The following TPR variants were observed in gnomAD, a reference collection of about 807,000 sequenced individuals.
TPR encodes the protein nucleoprotein TPR.
Under a neutral mutation model 316.1 loss-of-function variants are expected in TPR, and 51 were observed. The ratio of observed to expected loss-of-function variants is 0.16; its 90% CI spans 0.13 to 0.20. The LOEUF is 0.20. Ranked by LOEUF, TPR falls within the 10% of genes least tolerant of loss-of-function variation. The pLI is 1.00. For synonymous variants in TPR, 981 were observed against 914.7 expected (o/e 1.07, Z -1.31); for missense variants, 2,272 against 2,754.8 (o/e 0.82, Z 3.92).
At chr1:186,372,017 T>C (rs1659544030) in intron 2 of TPR, among the ~76,000 whole-genome samples, 2 of 152,208 alleles carry the variant, frequency 1.3e-5, no homozygotes, top group Non-Finnish European at 2.9e-5. Flanking sequence ...TTATTATGGC[T>C]AGGCAAAACT....
At chr1:186,348,195 T>A (rs1658739478) in intron 21 of TPR, among the ~76,000 whole-genome samples, 2 of 152,146 alleles carry the variant, frequency 1.3e-5, no homozygotes, top group African/African-American at 4.8e-5. Flanking sequence ...GCTAAATTCT[T>A]TTCCTAGCAA....
chr1:186,327,023 TTATATA>T (rs1206456737), intron 40 of TPR, among the ~76,000 whole-genome samples: 1 of 67,974 alleles, frequency 1.5e-5, no homozygotes, highest in African/African-American at 6.4e-5. Flanking sequence ...AATATATATA[TTATATA>T]TATAAATATA....
intron 21 of TPR, among the ~76,000 whole-genome samples, 189 bp from the exon 22 acceptor site, chr1:186,347,647 T>A (rs1483157406): frequency 6.6e-6 from 1 of 152,152 alleles, no homozygotes; most frequent in Non-Finnish European, 1.5e-5. Flanking sequence ...AACAAAAAAA[T>A]TCAAATATTA....
chr1:186,347,265 G>A (rs1266177759), intron 22 of TPR, 27 bp downstream of exon 22: 1 of 1,606,058 alleles, frequency 6.2e-7, no homozygotes, highest in Non-Finnish European at 8.5e-7. Flanking sequence ...TGTTGAGATT[G>A]AATTCTGAAT....
In TPR at chr1:186,317,712, C is replaced by CA. The variant is rs1657651752; in HGVS notation, c.6822-113dup. 154 of 921,254 alleles carry CA rather than the reference C, an allele frequency of 1.7e-4. 1 individual carries two copies. In the South Asian group the frequency reaches 2.6e-3, roughly 16 times the overall value. 57.1% of individuals were successfully genotyped at this position (921,254 alleles called of 1,614,324 possible). A position where few individuals can be genotyped will look rare whatever the true frequency, so the allele number is the denominator to read the frequency against. On this transcript the variant is annotated intron_variant, in intron 48 of 50. Transcript: ENST00000367478. ...TTAAGTAATCCAGAGCTCCCTTAAA[C>CA]AAAAAATTATAGACTGATTTGGTTA...
At chr1:186,334,284 CTAAA>C (rs1558001761) in intron 36 of TPR, 37 bp downstream of exon 36, 1 of 1,521,372 alleles carries the variant, frequency 6.6e-7, no homozygotes, top group Non-Finnish European at 9.0e-7. Flanking sequence ...CATAATAAAT[CTAAA>C]TAAGCAGTCT....
rs1658600569 is a variant in TPR at position 186,344,021 on chromosome 1, T to A, written c.3487A>T (p.Ile1163Phe). ...ACGACCTTGTCACTTAATTTTTCGATCTGATCATGAAGTAATCTGTTTTGT... is the reference window on the plus strand; with the variant it reads ...ACGACCTTGTCACTTAATTTTTCGAACTGATCATGAAGTAATCTGTTTTGT... ...EKQNRLLHDQ[I>F]EKLSDKVVAS... The change falls in exon 26 of 51, where the codon ATC (isoleucine) becomes TTC (phenylalanine). Residue 1163 changes from isoleucine to phenylalanine, a missense_variant. Ile to Phe is a conservative substitution (Grantham distance 21). Coordinates refer to ENST00000367478, the MANE Select transcript of TPR (RefSeq NM_003292.3). The A allele has an allele frequency of 6.2e-7, 1 of 1,614,058 alleles. No individual in the cohort carries two copies. The highest frequency in any genetic ancestry group is 1.7e-5 in the Admixed American group (1 of 59,998).
chr1:186,364,597 G>C (rs766681299), intron 4 of TPR, among the ~76,000 whole-genome samples: 4 of 152,154 alleles, frequency 2.6e-5, no homozygotes, highest in Admixed American at 6.5e-5. Flanking sequence ...CAAAAGGAAG[G>C]TGACAGATCT....
chr1:186,320,288 G>C, intron 46 of TPR, 24 bp downstream of exon 46: 1 of 1,567,902 alleles, frequency 6.4e-7, no homozygotes, highest in Non-Finnish European at 8.7e-7. Context: ...CAAATTCAGG[G>C]GATCTAAAGG....
Position 186,353,690 on chromosome 1 carries a change from C to T in TPR, c.2332G>A (p.Glu778Lys). Residue 778 changes from glutamate to lysine, a missense_variant and splice_region_variant, in exon 18 of 51, where the codon GAA becomes AAA. Transcript: ENST00000367478. ...TGGACAAGGGATATTGGACTCACTT[C>T]TGCGACAGCTAGCTTCTCATTTGCT... ...RGANEKLAVA[E>K]VRAENLKKEK... The T allele has an allele frequency of 6.2e-7, 1 of 1,613,266 alleles. No homozygotes were observed. The highest frequency in any genetic ancestry group is 8.5e-7 in the Non-Finnish European group (1 of 1,179,748).
chr1:186,333,731 T>C (rs1658250269), intron 36 of TPR, among the ~76,000 whole-genome samples: 1 of 152,170 alleles, frequency 6.6e-6, no homozygotes, highest in South Asian at 2.1e-4. Flanking sequence ...ATATAACAGA[T>C]AGTAAATTTG....
chr1:186,335,306 A>C (rs761467920), intron 34 of TPR, 32 bp downstream of exon 34: 2 of 1,606,040 alleles, frequency 1.2e-6, no homozygotes, highest in Admixed American at 3.4e-5. Context: ...AAAGAAAAAC[A>C]ATTTGTTACT....
rs1230042371 is a variant in TPR, at chr1:186,357,931, T to G, written c.1498-308A>C. On this transcript the variant is annotated intron_variant, in intron 13 of 50. Transcript: ENST00000367478. ...ATAAAACCCACAAATATCTATTTTT[T>G]TGTGTGTGCTTTTGTATATATGATA... 2.6e-5 allele frequency among the ~76,000 whole-genome samples: 4 copies of G among 152,216 alleles called. No individual in the cohort carries two copies. The East Asian group carries it at 5.8e-4, about 22-fold the overall frequency.
intron 3 of TPR, among the ~76,000 whole-genome samples, chr1:186,370,391 G>A (rs1314374775): frequency 6.6e-6 from 1 of 152,006 alleles, no homozygotes; most frequent in African/African-American, 2.4e-5. Flanking sequence ...TGGGTATTGA[G>A]TCATTCTTCA....
intron 21 of TPR, among the ~76,000 whole-genome samples, chr1:186,349,960 A>G (rs1658811722): frequency 6.6e-6 from 1 of 152,200 alleles, no homozygotes; most frequent in African/African-American, 2.4e-5. Flanking sequence ...AGTATCAATA[A>G]ATAGTTTCAA....
chr1:186,350,443 T>C, intron 20 of TPR, 55 bp from the exon 21 acceptor site: 1 of 1,323,970 alleles, frequency 7.6e-7, no homozygotes, highest in Non-Finnish European at 1.0e-6. Context: ...AACTAAAGGT[T>C]CAAACTATCT....
intron 32 of TPR, 151 bp from the exon 33 acceptor site, chr1:186,336,845 GCA>G: frequency 7.6e-7 from 1 of 1,320,994 alleles, no homozygotes. Context: ...CCAACTAAAT[GCA>G]CACTTGAAGA....
intron 30 of TPR, among the ~76,000 whole-genome samples, chr1:186,339,217 C>T (rs1260971731): frequency 6.6e-6 from 1 of 151,996 alleles, no homozygotes; most frequent in Non-Finnish European, 1.5e-5. Context: ...ACAGCTTGAG[C>T]CCAGGAGTTT....
At chr1:186,366,410 C>T (rs554093705) in intron 4 of TPR, among the ~76,000 whole-genome samples, 5 of 152,262 alleles carry the variant, frequency 3.3e-5, no homozygotes, top group Admixed American at 3.3e-4. Flanking sequence ...TAATACAGAT[C>T]ACAGACAAAA....
Sources: gnomAD v4.1 joint callset for allele counts (sites outside exome capture counted in the v4.1 genomes callset) on GRCh38, gnomAD v4.1.1 for gene constraint, MANE v1.5 for transcripts, NCBI Gene and HGNC (gene_info 2026-07-23, HGNC 2026-07-21) for gene names.